BCAS3: variants seen among roughly 807,000 people sequenced by gnomAD.
BCAS3 encodes BCAS4/BCAS3 fusion.
In BCAS3, 53 loss-of-function variants were observed where a neutral mutation model predicts 116.1. The ratio of observed to expected loss-of-function variants is 0.46; its 90% CI spans 0.37 to 0.57. BCAS3 has a LOEUF of 0.57. BCAS3 is among the 20% of genes least tolerant of loss of function. The pLI is 0.00. For missense variants in BCAS3, 917 were observed against 1,165.4 expected (o/e 0.79, Z 3.10); for synonymous variants, 391 against 408.2 (o/e 0.96, Z 0.51).
intron 7 of BCAS3, among the ~76,000 whole-genome samples, chr17:60,849,535 A>AT (rs1271230944): frequency 6.6e-6 from 1 of 151,926 alleles, no homozygotes; most frequent in Admixed American, 6.6e-5. Flanking sequence ...AATAAGACTT[A>AT]TTTTTTCTCC....
intron 1 of BCAS3, among the ~76,000 whole-genome samples, chr17:60,678,515 TTCAGAGGG>T (rs2032395142): frequency 6.6e-6 from 1 of 152,142 alleles, no homozygotes; most frequent in Non-Finnish European, 1.5e-5. Context: ...ATCTCAGTGA[TTCAGAGGG>T]TCATGAAACA....
intron 22 of BCAS3, among the ~76,000 whole-genome samples, chr17:61,147,830 T>G (rs1240721132): frequency 1.3e-5 from 2 of 151,682 alleles, no homozygotes; most frequent in Non-Finnish European, 2.9e-5. Flanking sequence ...CTACTAAAAA[T>G]ACAAAATTAG....
At chr17:60,757,410 G>T (rs920555670) in intron 6 of BCAS3, among the ~76,000 whole-genome samples, 5 of 151,256 alleles carry the variant, frequency 3.3e-5, no homozygotes, top group Non-Finnish European at 7.4e-5. Context: ...GTGTGTGTGT[G>T]TGTGTGTGTG....
chr17:60,924,334 C>G, intron 12 of BCAS3, 73 bp from the exon 13 acceptor site: 1 of 1,291,950 alleles, frequency 7.7e-7, no homozygotes, highest in Non-Finnish European at 1.1e-6. Flanking sequence ...TGTGATGTGC[C>G]TTCTTATAGG....
intron 14 of BCAS3, among the ~76,000 whole-genome samples, chr17:60,970,635 A>G (rs767778055): frequency 6.6e-6 from 1 of 152,204 alleles, no homozygotes; most frequent in Non-Finnish European, 1.5e-5. Flanking sequence ...GAAAATTTAA[A>G]TGTATGCACG....
chr17:61,176,069 G>A (rs2079112298), intron 22 of BCAS3, among the ~76,000 whole-genome samples: 1 of 149,978 alleles, frequency 6.7e-6, no homozygotes, highest in South Asian at 2.1e-4. Context: ...AGCCTAGGAG[G>A]GGAAGGCTGC....
At position 61,084,102 on chromosome 17, in the gene BCAS3, C is replaced by T. The variant is rs866598698; in HGVS notation, c.2328-365C>T. ...TTAGTGAATTTCAGGATTCTCAAAA[C>T]TCTTCATGTGTGTCCCTTGGAAATC... On this transcript the variant is annotated intron_variant, in intron 21 of 23. Transcript: ENST00000407086. This position sits in a 1 kb window ranked among gnomAD's most constrained non-coding sequence, Gnocchi z 5.5. 3.9e-5 allele frequency among the ~76,000 whole-genome samples: 6 copies of T among 152,178 alleles called. No individual in the cohort carries two copies. The highest frequency in any genetic ancestry group is 2.1e-4 in the South Asian group (1 of 4,828).
Position 61,214,511 on chromosome 17 carries a change from C to T in BCAS3, c.2425+129947C>T, listed in dbSNP as rs185473244. Among the ~76,000 whole-genome samples the T allele has an allele frequency of 8.2e-3, 1,181 of 144,684 alleles. 14 individuals carry two copies. The highest frequency in any genetic ancestry group is 0.029 in the African/African-American group (1,119 of 38,848). The allele number at this position is 144,684 out of a possible 152,430, so 94.9% of individuals were successfully genotyped here. A position where few individuals can be genotyped will look rare whatever the true frequency, so the allele number is the denominator to read the frequency against. ...CATCCTGGCTAACATGGTGAAACCCCGTCTCTACTAAAAATACCAAAAAAA... is the reference window on the plus strand; with the variant it reads ...CATCCTGGCTAACATGGTGAAACCCTGTCTCTACTAAAAATACCAAAAAAA... On this transcript the variant is annotated intron_variant, in intron 22 of 23. Transcript: ENST00000407086. The surrounding 1 kb of genome is among the most constrained non-coding windows in gnomAD (Gnocchi z 4.4).
chr17:61,117,766 C>T (rs933038814), intron 22 of BCAS3, among the ~76,000 whole-genome samples: 1 of 152,090 alleles, frequency 6.6e-6, no homozygotes, highest in Non-Finnish European at 1.5e-5. Flanking sequence ...TCCATATACT[C>T]CCTGCCACCC....
At chr17:61,287,141 G>A (rs1050268201) in intron 22 of BCAS3, among the ~76,000 whole-genome samples, 47 of 151,912 alleles carry the variant, frequency 3.1e-4, no homozygotes, top group Non-Finnish European at 4.4e-5. Flanking sequence ...TTAGCTACTG[G>A]GGAGGCTGAG....
chr17:60,962,327 C>T lies in BCAS3; in HGVS notation c.1221+14975C>T, dbSNP rs2061450541. Among the ~76,000 whole-genome samples the T allele has an allele frequency of 6.6e-6, 1 of 152,190 alleles. No homozygotes were observed. The highest frequency in any genetic ancestry group is 6.5e-5 in the Admixed American group (1 of 15,284). ...GCAGTGTGCAAGGGTCTCTTCTCCA[C>T]ATTCTCACCAGCATCTTTTATTGAT... On this transcript the variant is annotated intron_variant, in intron 14 of 23. Coordinates refer to ENST00000407086, the MANE Select transcript of BCAS3 (RefSeq NM_017679.5). This position sits in a 1 kb window ranked among gnomAD's most constrained non-coding sequence, Gnocchi z 4.4.
At position 61,265,860 on chromosome 17, in the gene BCAS3, C is replaced by G. The variant is rs779520882; in HGVS notation, c.2426-102467C>G. On this transcript the variant is annotated intron_variant, in intron 22 of 23. Coordinates refer to ENST00000407086, the MANE Select transcript of BCAS3 (RefSeq NM_017679.5). The surrounding 1 kb of genome is among the most constrained non-coding windows in gnomAD (Gnocchi z 4.3). Reference sequence around the variant, plus strand: ...AAACACTTGCAAACTCACACCTTCTCTTGCTAACTGAGCAGGAGAATAGTT... The same window carrying G: ...AAACACTTGCAAACTCACACCTTCTGTTGCTAACTGAGCAGGAGAATAGTT... Among the ~76,000 whole-genome samples, 1 of 152,252 alleles carries G rather than the reference C, an allele frequency of 6.6e-6. No homozygotes were observed. Among genetic ancestry groups the G allele is most frequent in the African/African-American group, 2.4e-5 (1 of 41,476 alleles).
chr17:61,086,605 G>GT, intron 22 of BCAS3: 1 of 823,164 alleles, frequency 1.2e-6, no homozygotes, highest in Non-Finnish European at 1.5e-6. Flanking sequence ...CACTGTATGA[G>GT]TTTCGATGGC....
At chr17:60,977,763 G>A (rs1352875917) in intron 14 of BCAS3, among the ~76,000 whole-genome samples, 1 of 147,020 alleles carries the variant, frequency 6.8e-6, no homozygotes, top group Non-Finnish European at 1.5e-5. Context: ...TTGGCTTTTT[G>A]TTCTTGCCAT....
rs1428916770 is a variant in BCAS3 at position 61,208,418 on chromosome 17, C to T, written c.2425+123854C>T. Among the ~76,000 whole-genome samples, 1 of 151,986 alleles carries T rather than the reference C, an allele frequency of 6.6e-6. No homozygotes were observed. Among genetic ancestry groups the T allele is most frequent in the Non-Finnish European group, 1.5e-5 (1 of 68,016 alleles). The stretch of plus-strand genomic sequence containing the variant: ...TTATTAATGATTAATCTTGAAGCAC[C>T]GAAGAAATGAAATGTGCTAGTAAGT... On this transcript the variant is annotated intron_variant, in intron 22 of 23. Coordinates refer to ENST00000407086, the MANE Select transcript of BCAS3 (RefSeq NM_017679.5). The surrounding 1 kb of genome is among the most constrained non-coding windows in gnomAD (Gnocchi z 4.5).
Position 61,051,814 on chromosome 17 carries a change from T to G in BCAS3, c.2029+10922T>G, listed in dbSNP as rs2068885489. ...AACAGGAAATTTTGTGAGATGGCAC[T>G]AAATCCATACTCAAGGGAAAAATTA... On this transcript the variant is annotated intron_variant, in intron 19 of 23. Coordinates refer to ENST00000407086, the MANE Select transcript of BCAS3 (RefSeq NM_017679.5). The surrounding 1 kb of genome is among the most constrained non-coding windows in gnomAD (Gnocchi z 4.1). Among the ~76,000 whole-genome samples the G allele has an allele frequency of 6.6e-6, 1 of 152,068 alleles. No homozygotes were observed. Among genetic ancestry groups the G allele is most frequent in the South Asian group, 2.1e-4 (1 of 4,810 alleles).
intron 14 of BCAS3, chr17:60,987,026 G>T (rs2063181913): frequency 1.3e-5 from 2 of 152,016 alleles, no homozygotes; most frequent in Admixed American, 1.3e-4. Context: ...AGAGATAGGG[G>T]TCTATTTTTA....
At chr17:61,036,843 T>C (rs1240371491) in intron 17 of BCAS3, among the ~76,000 whole-genome samples, 3 of 152,168 alleles carry the variant, frequency 2.0e-5, no homozygotes, top group Non-Finnish European at 2.9e-5. Context: ...AGTGATCCCA[T>C]GGAGAGAAAG....
At position 61,041,536 on chromosome 17, in the gene BCAS3, G is replaced by A. The variant is rs182220026; in HGVS notation, c.2029+644G>A. ...TTATTTACAATTATAATTCAGTTTT[G>A]TAGATATAGACAGAATCCTTAATTT... On this transcript the variant is annotated intron_variant, in intron 19 of 23. Transcript: ENST00000407086. This position sits in a 1 kb window ranked among gnomAD's most constrained non-coding sequence, Gnocchi z 4.7. Among the ~76,000 whole-genome samples, 33 of 152,102 alleles carry A rather than the reference G, an allele frequency of 2.2e-4. No homozygotes were observed. Among genetic ancestry groups the A allele is most frequent in the African/African-American group, 7.7e-4 (32 of 41,540 alleles).
Sources: allele counts gnomAD v4.1 joint callset (sites outside exome capture counted in the v4.1 genomes callset), GRCh38; gene constraint gnomAD v4.1.1; non-coding constraint Gnocchi (gnomAD v3.1); transcripts MANE v1.5; gene names NCBI Gene and HGNC (gene_info 2026-07-23, HGNC 2026-07-21).